Variants in EYA1 observed in about 807,000 individuals in gnomAD.
EYA1 encodes the protein protein phosphatase EYA1.
Under a neutral mutation model 82.0 loss-of-function variants are expected in EYA1, and 16 were observed. That is an observed-to-expected ratio of 0.20 (90% CI 0.13 to 0.30). EYA1 has a LOEUF of 0.30. Among genes scored for constraint, EYA1 ranks in the 10% least tolerant of loss-of-function variants. EYA1 has a pLI of 1.00. For synonymous variants in EYA1, 261 were observed against 264.4 expected, an observed-to-expected ratio of 0.99 and a Z score of 0.12; for missense variants, 633 against 730.7, an observed-to-expected ratio of 0.87 and a Z score of 1.54.
At chr8:71,396,677 C>T (rs1459311564) in intron 2 of EYA1, among the ~76,000 whole-genome samples, 1 of 152,140 alleles carries the variant, frequency 6.6e-6, no homozygotes, top group African/African-American at 2.4e-5. Flanking sequence ...AATTTCTGTT[C>T]TTTCACATTT....
chr8:71,519,467 A>G (rs938653471), intron 2 of EYA1, among the ~76,000 whole-genome samples: 1 of 152,128 alleles, frequency 6.6e-6, no homozygotes, highest in Non-Finnish European at 1.5e-5. Context: ...ATGAAAATAT[A>G]GAGAGTTGAC....
chr8:71,535,493 A>G (rs1372202057), intron 2 of EYA1, among the ~76,000 whole-genome samples: 2 of 152,240 alleles, frequency 1.3e-5, no homozygotes, highest in African/African-American at 2.4e-5. Context: ...GGATAATTAC[A>G]TAATACTAAA....
chr8:71,303,234 C>T (rs1180149841), intron 7 of EYA1, among the ~76,000 whole-genome samples: 1 of 141,522 alleles, frequency 7.1e-6, no homozygotes, highest in Admixed American at 7.1e-5. Flanking sequence ...GTTGCTGAAT[C>T]AATCCACCTA....
At chr8:71,486,011 A>T (rs1467182565) in intron 2 of EYA1, among the ~76,000 whole-genome samples, 1 of 152,216 alleles carries the variant, frequency 6.6e-6, no homozygotes, top group African/African-American at 2.4e-5. Flanking sequence ...AATAGAGTTT[A>T]ATTAGCACCA....
intron 3 of EYA1, among the ~76,000 whole-genome samples, chr8:71,346,071 C>A (rs2129057955): frequency 6.6e-6 from 1 of 152,044 alleles, no homozygotes; most frequent in South Asian, 2.1e-4. Flanking sequence ...TTCGTCACAG[C>A]TATAAAGCTC....
intron 2 of EYA1, among the ~76,000 whole-genome samples, chr8:71,429,336 T>G (rs1715007642): frequency 6.6e-6 from 1 of 152,158 alleles, no homozygotes; most frequent in Admixed American, 6.5e-5. Flanking sequence ...ATAAAAGATG[T>G]CTAATCACTC....
At chr8:71,262,838 T>C (rs1815301248) in intron 11 of EYA1, among the ~76,000 whole-genome samples, 1 of 152,206 alleles carries the variant, frequency 6.6e-6, no homozygotes, top group Non-Finnish European at 1.5e-5. Flanking sequence ...TGCTTCTGTT[T>C]GTTTTGAGAG....
chr8:71,373,516 T>G (rs1223552135), intron 2 of EYA1, among the ~76,000 whole-genome samples: 1 of 152,144 alleles, frequency 6.6e-6, no homozygotes, highest in Non-Finnish European at 1.5e-5. Context: ...AGGTATCTTG[T>G]GTTTGTGGAT....
chr8:71,287,540 A>T (rs547934534), intron 9 of EYA1, among the ~76,000 whole-genome samples: 1 of 152,316 alleles, frequency 6.6e-6, no homozygotes, highest in African/African-American at 2.4e-5. Context: ...CTTTCCAGTA[A>T]TCTCTGGATA....
At chr8:71,367,131 A>C (rs57020616), upstream of EYA1, among the ~76,000 whole-genome samples, 15 of 152,252 alleles carry the variant, frequency 9.9e-5, no homozygotes, top group African/African-American at 3.6e-4. Flanking sequence ...CAAAAAGGTT[A>C]ATTATTTTCC....
intron 11 of EYA1, among the ~76,000 whole-genome samples, chr8:71,254,243 C>CAAAAAAAAAAAAAAAAAAAAAAAAAAA (rs56047377): frequency 1.9e-5 from 1 of 51,460 alleles, no homozygotes; most frequent in African/African-American, 8.1e-5. Context: ...AAGTCTTGGC[C>CAAAAAAAAAAAAAAAAAAAAAAAAAAA]AAAAAAAAAA....
At chr8:71,395,191 G>T (rs1455913540) in intron 2 of EYA1, among the ~76,000 whole-genome samples, 2 of 152,232 alleles carry the variant, frequency 1.3e-5, no homozygotes, top group Non-Finnish European at 2.9e-5. Flanking sequence ...GAGATTTTGG[G>T]CTGAGATGAT....
intron 2 of EYA1, among the ~76,000 whole-genome samples, chr8:71,467,374 T>C (rs1808858446): frequency 6.6e-6 from 1 of 152,166 alleles, no homozygotes; most frequent in South Asian, 2.1e-4. Context: ...GTATTAAATG[T>C]CTTATAAGTC....
intron 17 of EYA1, among the ~76,000 whole-genome samples, chr8:71,207,617 G>A (rs951769787): frequency 5.3e-5 from 8 of 152,082 alleles, no homozygotes; most frequent in African/African-American, 9.7e-5. Flanking sequence ...TTTTCTGCAG[G>A]TGGCTGCCTA....
chr8:71,463,131 T>C (rs1022556744), intron 2 of EYA1, among the ~76,000 whole-genome samples: 1 of 152,254 alleles, frequency 6.6e-6, no homozygotes, highest in Admixed American at 6.5e-5. Flanking sequence ...ATCTGGTGTG[T>C]ACAGAACATC....
chr8:71,331,998 C>T (rs1226070469), intron 4 of EYA1, among the ~76,000 whole-genome samples: 1 of 152,104 alleles, frequency 6.6e-6, no homozygotes, highest in Non-Finnish European at 1.5e-5. Flanking sequence ...CAGGCGCATG[C>T]CACCACGCCC....
At chr8:71,461,383 C>T (rs2129189884) in intron 2 of EYA1, among the ~76,000 whole-genome samples, 2 of 152,314 alleles carry the variant, frequency 1.3e-5, no homozygotes, top group South Asian at 2.1e-4. Context: ...CAGGTGCCAG[C>T]ACTGGTGCTG....
At chr8:71,224,957 C>G (rs1810382599) in intron 12 of EYA1, among the ~76,000 whole-genome samples, 1 of 152,178 alleles carries the variant, frequency 6.6e-6, no homozygotes, top group South Asian at 2.1e-4. Context: ...AAGGAAGAAG[C>G]CAATTGATGG....
At chr8:71,301,110 C>A (rs999119192) in intron 7 of EYA1, among the ~76,000 whole-genome samples, 1 of 152,144 alleles carries the variant, frequency 6.6e-6, no homozygotes, top group African/African-American at 2.4e-5. Flanking sequence ...AAGGAGGAAT[C>A]TCTTCAATGT....
Sources: allele counts gnomAD v4.1 joint callset (sites outside exome capture counted in the v4.1 genomes callset), GRCh38; gene constraint gnomAD v4.1.1; transcripts MANE v1.5; gene names NCBI Gene and HGNC (gene_info 2026-07-23, HGNC 2026-07-21).